ZNF143: variants seen among roughly 807,000 people sequenced by gnomAD.
ZNF143 encodes the protein zinc finger protein 143, also known as SPH-binding factor.
ZNF143 carries 49 observed loss-of-function variants against 74.1 expected under a neutral mutation model. The ratio of observed to expected loss-of-function variants is 0.66; its 90% confidence interval spans 0.53 to 0.84. The LOEUF (loss-of-function observed/expected upper bound fraction) is 0.84, where lower values mean the gene tolerates loss of function less well. ZNF143 is among the 40% of genes least tolerant of loss of function. The pLI, the probability that ZNF143 is intolerant of heterozygous loss-of-function variation, is 0.00. For synonymous variants in ZNF143, 304 were observed against 282.8 expected, an observed-to-expected ratio of 1.07 and a Z score of -0.75; for missense variants, 637 against 793.4, an observed-to-expected ratio of 0.80 and a Z score of 2.37.
At position 9,497,693 on chromosome 11, in the gene ZNF143, A is replaced by C; in HGVS notation, c.860A>C (p.His287Pro). 6.2e-7 allele frequency: 1 copy of C among 1,600,646 alleles called. No homozygotes were observed. The highest frequency in any genetic ancestry group is 8.5e-7 in the Non-Finnish European group (1 of 1,172,870). ...AFATGYGLKS[H>P]VRTHTGEKPY... is the part of the protein sequence containing the mutation. Reference sequence around the variant, plus strand: ...CTTAAAGGTTATGGATTAAAAAGTCACGTCAGAACTCATACAGGAGAAAAG... The same window carrying C: ...CTTAAAGGTTATGGATTAAAAAGTCCCGTCAGAACTCATACAGGAGAAAAG... Residue 287 changes from histidine (H) to proline (P), a missense_variant, in exon 10 of 16, where the codon CAC (histidine) becomes CCC (proline). Physicochemically the swap from His to Pro is moderately conservative, Grantham distance 77 (BLOSUM62 -2). Around this residue, in one of 2 missense-constraint regions of ZNF143, gnomAD observed 344 missense variants for 485.6 expected, o/e 0.71. Coordinates refer to ENST00000396602, the MANE Select transcript of ZNF143 (RefSeq NM_003442.6).
At chr11:9,494,544 C>A in intron 7 of ZNF143, 102 bp from the exon 8 acceptor site, 1 of 1,208,594 alleles carries the variant, frequency 8.3e-7, no homozygotes, top group Non-Finnish European at 1.2e-6. Context: ...CTCCTGGGCT[C>A]AAATGATCCG....
chr11:9,477,621 A>T (rs1857015671), intron 5 of ZNF143, among the ~76,000 whole-genome samples: 1 of 151,988 alleles, frequency 6.6e-6, no homozygotes, highest in Admixed American at 6.6e-5. Context: ...TTATTATTTC[A>T]CTATCTCTAT....
At chr11:9,491,181 T>A (rs904806507) in intron 7 of ZNF143, among the ~76,000 whole-genome samples, 2 of 152,090 alleles carry the variant, frequency 1.3e-5, no homozygotes, top group Admixed American at 6.5e-5. Flanking sequence ...ACCCAAGAAC[T>A]TGAGTCTAGT....
chr11:9,479,958 C>G (rs1458537096), intron 7 of ZNF143, among the ~76,000 whole-genome samples: 4 of 152,148 alleles, frequency 2.6e-5, no homozygotes, highest in Non-Finnish European at 5.9e-5. Context: ...TCTTCTTCTT[C>G]CAGCTGATTC....
At chr11:9,472,913 T>TA (rs1170924537) in intron 3 of ZNF143, 144 bp downstream of exon 3, 44 of 427,556 alleles carry the variant, frequency 1.0e-4, no homozygotes, top group Non-Finnish European at 1.4e-4. Flanking sequence ...TCAGTTTAAT[T>TA]CTTTTTTTTT....
intron 10 of ZNF143, among the ~76,000 whole-genome samples, chr11:9,500,017 A>G (rs1848100502): frequency 1.3e-5 from 2 of 152,180 alleles, no homozygotes; most frequent in Non-Finnish European, 2.9e-5. Flanking sequence ...GTCACAGCTC[A>G]CTACAGCCTT....
intron 1 of ZNF143, among the ~76,000 whole-genome samples, chr11:9,461,442 C>T (rs1016006244): frequency 2.2e-4 from 34 of 152,264 alleles, no homozygotes; most frequent in Middle Eastern, 6.8e-3. Context: ...GCCTGACCTC[C>T]GCGCAGAGCG....
At chr11:9,486,428 ATTAT>A (rs1847535516) in intron 7 of ZNF143, among the ~76,000 whole-genome samples, 1 of 48,104 alleles carries the variant, frequency 2.1e-5, no homozygotes, top group Admixed American at 3.9e-4. Context: ...TATTATATAT[ATTAT>A]ATATATAATA....
At chr11:9,498,979 G>C (rs563211198) in intron 10 of ZNF143, among the ~76,000 whole-genome samples, 2 of 152,090 alleles carry the variant, frequency 1.3e-5, no homozygotes, top group Non-Finnish European at 2.9e-5. Flanking sequence ...TATTGTATCA[G>C]AGGCGAGTAT....
intron 14 of ZNF143, among the ~76,000 whole-genome samples, chr11:9,516,733 C>A (rs964897525): frequency 6.6e-6 from 1 of 152,114 alleles, no homozygotes; most frequent in African/African-American, 2.4e-5. Flanking sequence ...TGGTTTAAAA[C>A]TCAAAAAATA....
At chr11:9,504,021 G>A (rs1367646072) in intron 11 of ZNF143, among the ~76,000 whole-genome samples, 26 of 136,852 alleles carry the variant, frequency 1.9e-4, no homozygotes, top group Non-Finnish European at 3.8e-4. Flanking sequence ...GTGCAGTGGC[G>A]CAATCTTGGC....
At chr11:9,487,049 C>T (rs1310814896) in intron 7 of ZNF143, among the ~76,000 whole-genome samples, 3 of 148,794 alleles carry the variant, frequency 2.0e-5, no homozygotes, top group African/African-American at 5.1e-5. Context: ...TCACTGCTAC[C>T]TCCACCTCCC....
chr11:9,486,396 A>AAT (rs1554964417), intron 7 of ZNF143, among the ~76,000 whole-genome samples: 195 of 11,904 alleles, frequency 0.016, 7 homozygotes, highest in African/African-American at 0.038. Context: ...TAATATATAT[A>AAT]ATATATTATA....
chr11:9,461,902 C>T (rs1279999278), intron 1 of ZNF143: 1 of 152,174 alleles, frequency 6.6e-6, no homozygotes, highest in African/African-American at 2.4e-5. Context: ...CAGCGTCAGC[C>T]TTTGCTTTGG....
chr11:9,510,120 C>CT (rs59202962), intron 12 of ZNF143, among the ~76,000 whole-genome samples: 2,300 of 140,722 alleles, frequency 0.016, 51 homozygotes, highest in African/African-American at 0.045. Flanking sequence ...TTCCTATATT[C>CT]TTTTTTTTTT....
chr11:9,499,215 T>C (rs955022167), intron 10 of ZNF143, among the ~76,000 whole-genome samples: 4 of 152,190 alleles, frequency 2.6e-5, no homozygotes, highest in Non-Finnish European at 5.9e-5. Flanking sequence ...CATAGGGACT[T>C]CTGTAACAAA....
intron 14 of ZNF143, among the ~76,000 whole-genome samples, chr11:9,524,852 A>G (rs560347927): frequency 6.6e-6 from 1 of 152,294 alleles, no homozygotes; most frequent in South Asian, 2.1e-4. Context: ...GAAAAAAATC[A>G]TTTATTTTCT....
chr11:9,494,362 A>G (rs191063942), intron 7 of ZNF143, among the ~76,000 whole-genome samples: 47 of 152,238 alleles, frequency 3.1e-4, no homozygotes, highest in Middle Eastern at 3.4e-3. Context: ...CTGGAGTGCA[A>G]TGGTACAATC....
intron 5 of ZNF143, among the ~76,000 whole-genome samples, chr11:9,476,735 A>G (rs562369705): frequency 1.5e-5 from 2 of 136,900 alleles, no homozygotes; most frequent in Admixed American, 7.4e-5. Context: ...TGTGAAGCCA[A>G]AGGGAGGAAT....
Sources: allele counts gnomAD v4.1 joint callset (sites outside exome capture counted in the v4.1 genomes callset), GRCh38; gene constraint gnomAD v4.1.1; regional missense constraint gnomAD v4.1.1; transcripts MANE v1.5; gene names NCBI Gene and HGNC (gene_info 2026-07-23, HGNC 2026-07-21).